The following SLAIN2 variants were observed in gnomAD, a reference collection of about 807,000 sequenced individuals.
SLAIN2 encodes the protein SLAIN motif-containing protein 2.
SLAIN2 carries 31 observed loss-of-function variants against 56.6 expected under a neutral mutation model. That is an observed-to-expected ratio of 0.55 (90% CI 0.41 to 0.74). The LOEUF (loss-of-function observed/expected upper bound fraction) is 0.74, where lower values mean the gene tolerates loss of function less well. Among genes scored for constraint, SLAIN2 ranks in the 30% least tolerant of loss-of-function variants. The probability of loss-of-function intolerance (pLI) is 0.00; values close to 1 mark genes in which losing one functional copy is unlikely to be tolerated. For missense variants in SLAIN2, 777 were observed against 754.2 expected, an observed-to-expected ratio of 1.03 and a Z score of -0.35; for synonymous variants, 317 against 284.9, an observed-to-expected ratio of 1.11 and a Z score of -1.13.
chr4:48,378,811 C>T (rs1193219340), intron 3 of SLAIN2, among the ~76,000 whole-genome samples: 2 of 152,142 alleles, frequency 1.3e-5, no homozygotes, highest in African/African-American at 2.4e-5. Context: ...TAGGTAATTT[C>T]GTTCAGGCAT....
chr4:48,424,183 A>G lies in SLAIN2; in HGVS notation c.*2106A>G, dbSNP rs1308707034. The G allele has an allele frequency of 6.6e-6, 1 of 152,034 alleles. No homozygotes were observed. The highest frequency in any genetic ancestry group is 1.9e-4 in the East Asian group (1 of 5,198). 9.4% of individuals were successfully genotyped at this position (152,034 alleles called of 1,614,324 possible). ...AATATTTCATCACTTGTTAAAACAT[A>G]TTTTTGATCTGAGTTTGGTAAAGTA... On this transcript the variant is annotated 3_prime_UTR_variant, in exon 8 of 8. Transcript: ENST00000264313.
intron 5 of SLAIN2, among the ~76,000 whole-genome samples, chr4:48,383,168 CA>C (rs34436951): frequency 0.02 from 1,880 of 95,498 alleles, 23 homozygotes; most frequent in African/African-American, 0.041. Flanking sequence ...ATCCTGTTTT[CA>C]AAAAAAAAAA....
In SLAIN2 at chr4:48,423,814, G is replaced by A. The variant is rs1369977626; in HGVS notation, c.*1737G>A. On this transcript the variant is annotated 3_prime_UTR_variant, in exon 8 of 8. Transcript: ENST00000264313. Reference sequence around the variant, plus strand: ...TGATGGGGTGGGTCAGGAAAGGATGGCGCCAGAATTCTACATGATAATGAA... The same window carrying A: ...TGATGGGGTGGGTCAGGAAAGGATGACGCCAGAATTCTACATGATAATGAA... The A allele has an allele frequency of 6.6e-6, 1 of 152,072 alleles. No individual in the cohort carries two copies. The highest frequency in any genetic ancestry group is 1.5e-5 in the Non-Finnish European group (1 of 68,008). The allele number at this position is 152,072 out of a possible 1,614,324, so 9.4% of individuals were successfully genotyped here.
chr4:48,420,064 G>A (rs1480525381), intron 6 of SLAIN2, 61 bp from the exon 7 acceptor site: 5 of 1,521,948 alleles, frequency 3.3e-6, no homozygotes, highest in Non-Finnish European at 4.5e-6. Context: ...GTAATTTAAA[G>A]CAATGGTTTC....
chr4:48,375,051 T>C (rs910846042), intron 2 of SLAIN2, among the ~76,000 whole-genome samples: 2 of 152,116 alleles, frequency 1.3e-5, no homozygotes, highest in African/African-American at 4.8e-5. Flanking sequence ...TAATGAGGAA[T>C]GTTTAGCATA....
intron 1 of SLAIN2, among the ~76,000 whole-genome samples, chr4:48,346,617 T>C (rs2109731470): frequency 6.6e-6 from 1 of 152,332 alleles, no homozygotes; most frequent in South Asian, 2.1e-4. Context: ...GTAATTTAAT[T>C]TGGTAAGCCT....
At chr4:48,348,189 A>G (rs1714920257) in intron 1 of SLAIN2, among the ~76,000 whole-genome samples, 1 of 152,186 alleles carries the variant, frequency 6.6e-6, no homozygotes, top group South Asian at 2.1e-4. Context: ...AGGCAGGCAA[A>G]TTTTGTTTTA....
chr4:48,385,531 A>G (rs1716077073), intron 6 of SLAIN2, among the ~76,000 whole-genome samples: 1 of 152,242 alleles, frequency 6.6e-6, no homozygotes, highest in Non-Finnish European at 1.5e-5. Context: ...CAAGGCTATG[A>G]AGAAGTGATA....
chr4:48,382,765 C>G lies in SLAIN2; in HGVS notation c.1060C>G (p.Pro354Ala). 1 of 1,613,746 alleles carries G rather than the reference C, an allele frequency of 6.2e-7. No homozygotes were observed. Among genetic ancestry groups the G allele is most frequent in the Non-Finnish European group, 8.5e-7 (1 of 1,179,860 alleles). Residue 354 changes from proline to alanine, a missense_variant, in exon 5 of 8, where the codon CCT becomes GCT. Coordinates refer to ENST00000264313, the MANE Select transcript of SLAIN2 (RefSeq NM_020846.2). ...ACCACGCAATTCACCTCGACCGTCA[C>G]CTAAGCAGTCACCCAGAAATTCACC... ...PSPRNSPRPS[P>A]KQSPRNSPRS...
At position 48,422,911 on chromosome 4, in the gene SLAIN2, G is replaced by A. The variant is rs1446516568; in HGVS notation, c.*834G>A. The A allele has an allele frequency of 6.6e-6, 1 of 152,190 alleles. No homozygotes were observed. The highest frequency in any genetic ancestry group is 1.5e-5 in the Non-Finnish European group (1 of 68,024). The allele number at this position is 152,190 out of a possible 1,614,324, so 9.4% of individuals were successfully genotyped here. On this transcript the variant is annotated 3_prime_UTR_variant, in exon 8 of 8. Transcript: ENST00000264313. ...ATTGAAGCCAACTTCTTCACATGCT[G>A]TTATCTTTACAGAACTAAGAGATCT... is the stretch of plus-strand genomic sequence containing the variant.
In SLAIN2 at chr4:48,383,777, T is replaced by C; in HGVS notation, c.1353T>C (p.Ala451=). 6.2e-7 allele frequency: 1 copy of C among 1,611,746 alleles called. No homozygotes were observed. The highest frequency in any genetic ancestry group is 1.1e-5 in the South Asian group (1 of 90,656). Reference sequence around the variant, plus strand: ...GAATACCTCGTATGCAACCTCAGGCTTCAGCCAGTAAGTATCCTTCTTATG... The same window carrying C: ...GAATACCTCGTATGCAACCTCAGGCCTCAGCCAGTAAGTATCCTTCTTATG... The part of the protein sequence containing the change: ...NGGIPRMQPQ[A]SAIPSPGKFR... The change falls in exon 6 of 8, where the codon GCT becomes GCC. Residue 451 remains alanine (A), a synonymous_variant. Transcript: ENST00000264313.
intron 2 of SLAIN2, among the ~76,000 whole-genome samples, chr4:48,373,702 T>C (rs1250975809): frequency 6.6e-6 from 1 of 152,172 alleles, no homozygotes; most frequent in Non-Finnish European, 1.5e-5. Flanking sequence ...TAGGAAATGA[T>C]GTTTGACCTG....
At chr4:48,362,710 T>C (rs979317141) in intron 1 of SLAIN2, among the ~76,000 whole-genome samples, 15 of 149,748 alleles carry the variant, frequency 1.0e-4, no homozygotes, top group Non-Finnish European at 2.2e-4. Context: ...TGAGCCACCA[T>C]GCCAGGCTGG....
At chr4:48,348,180 G>A (rs1163029812) in intron 1 of SLAIN2, among the ~76,000 whole-genome samples, 4 of 152,152 alleles carry the variant, frequency 2.6e-5, no homozygotes, top group Non-Finnish European at 4.4e-5. Flanking sequence ...GTAAATTAGA[G>A]GCAGGCAAAT....
At chr4:48,356,213 C>A (rs1715149550) in intron 1 of SLAIN2, among the ~76,000 whole-genome samples, 1 of 152,046 alleles carries the variant, frequency 6.6e-6, no homozygotes, top group African/African-American at 2.4e-5. Flanking sequence ...CCTGTTTTAG[C>A]CACTAAAAAG....
At position 48,414,550 on chromosome 4, in the gene SLAIN2, ATTTTTT is replaced by A. The variant is rs36222817; in HGVS notation, c.1361-5560_1361-5555del. ...TTTCAAGCAATGCAATTGGTGTGGT[ATTTTTT>A]TTTTTTTTTTTTTTATTATACTCTA... On this transcript the variant is annotated intron_variant, in intron 6 of 7. Transcript: ENST00000264313. Among the ~76,000 whole-genome samples, 125 of 136,944 alleles carry A rather than the reference ATTTTTT, an allele frequency of 9.1e-4. 1 individual carries two copies. Among genetic ancestry groups the A allele is most frequent in the East Asian group, 2.4e-3 (11 of 4,624 alleles). The allele number at this position is 136,944 out of a possible 152,430, so 89.8% of individuals were successfully genotyped here.
chr4:48,368,771 A>G (rs1023030063), intron 1 of SLAIN2, among the ~76,000 whole-genome samples: 3 of 152,188 alleles, frequency 2.0e-5, no homozygotes, highest in Non-Finnish European at 2.9e-5. Context: ...GACTAAAGAA[A>G]TGGTCATCTA....
intron 1 of SLAIN2, among the ~76,000 whole-genome samples, chr4:48,366,433 A>G (rs963091627): frequency 3.9e-5 from 6 of 152,080 alleles, no homozygotes; most frequent in African/African-American, 1.4e-4. Context: ...AAAATTTCTG[A>G]ATTGTTTTTC....
At chr4:48,404,651 T>G (rs1352616400) in intron 6 of SLAIN2, among the ~76,000 whole-genome samples, 3 of 152,238 alleles carry the variant, frequency 2.0e-5, no homozygotes, top group Non-Finnish European at 4.4e-5. Flanking sequence ...TTCATGCCAG[T>G]TTTGGAATGA....
Sources: gnomAD v4.1 joint callset for allele counts (sites outside exome capture counted in the v4.1 genomes callset) on GRCh38, gnomAD v4.1.1 for gene constraint, MANE v1.5 for transcripts, NCBI Gene and HGNC (gene_info 2026-07-23, HGNC 2026-07-21) for gene names.